The following SYNJ1 variants were observed in gnomAD, a reference collection of about 807,000 sequenced individuals.
SYNJ1 encodes the protein synaptojanin 1, also known as polyphosphatidylinositol phosphatase SYNJ1.
In SYNJ1, 78 loss-of-function variants were observed where a neutral mutation model predicts 168.2. That is an observed-to-expected ratio of 0.46 (90% confidence interval 0.39 to 0.56). SYNJ1 has a LOEUF of 0.56. Ranked by LOEUF, SYNJ1 falls within the 20% of genes least tolerant of loss-of-function variation. The pLI, the probability that SYNJ1 is intolerant of heterozygous loss-of-function variation, is 0.00. For synonymous variants in SYNJ1, 539 were observed against 548.6 expected, an observed-to-expected ratio of 0.98 and a Z score of 0.24; for missense variants, 1,303 against 1,597.6, an observed-to-expected ratio of 0.82 and a Z score of 3.14.
chr21:32,642,219 T>C, intron 27 of SYNJ1, 86 bp from the exon 28 acceptor site: 2 of 1,461,930 alleles, frequency 1.4e-6, no homozygotes, highest in South Asian at 1.1e-5. Context: ...TTCTGCTTCA[T>C]TACCAGCAGA....
At chr21:32,697,139 A>G (rs1175875217) in intron 4 of SYNJ1, among the ~76,000 whole-genome samples, 3 of 152,012 alleles carry the variant, frequency 2.0e-5, no homozygotes, top group Non-Finnish European at 4.4e-5. Context: ...TCAGTGTGTC[A>G]CTGTTTTAGC....
In SYNJ1 at chr21:32,631,623, T is replaced by C. The variant is rs1272633166; in HGVS notation, c.*182A>G. 17 of 1,614,224 alleles carry C rather than the reference T, an allele frequency of 1.1e-5. No individual in the cohort carries two copies. The highest frequency in any genetic ancestry group is 1.3e-5 in the Non-Finnish European group (15 of 1,180,038). ...CATGCAACTTACAGAACTCAAAACATTACTTTGCGTTGCAGAAGGCAACTG... is the reference window on the plus strand; with the variant it reads ...CATGCAACTTACAGAACTCAAAACACTACTTTGCGTTGCAGAAGGCAACTG... On this transcript the variant is annotated 3_prime_UTR_variant, in exon 33 of 33. Transcript: ENST00000674351.
chr21:32,672,059 CA>C (rs1160074724), intron 14 of SYNJ1, among the ~76,000 whole-genome samples: 1,510 of 24,716 alleles, frequency 0.061, 3 homozygotes, highest in Non-Finnish European at 0.073. Context: ...AACTCAATCT[CA>C]AAAAAAAAAA....
intron 31 of SYNJ1, 141 bp downstream of exon 31, chr21:32,638,767 T>A: frequency 1.5e-6 from 1 of 657,650 alleles, no homozygotes; most frequent in Non-Finnish European, 2.3e-6. Flanking sequence ...CACATATATA[T>A]GTATAATAAC....
At chr21:32,635,979 A>G (rs1050661821) in intron 31 of SYNJ1, among the ~76,000 whole-genome samples, 3 of 152,196 alleles carry the variant, frequency 2.0e-5, no homozygotes, top group Non-Finnish European at 4.4e-5. Context: ...ACTAATTTTG[A>G]CAATTCAGAG....
intron 2 of SYNJ1, among the ~76,000 whole-genome samples, chr21:32,722,189 GAAAAA>G (rs869294126): frequency 1.6e-3 from 176 of 112,552 alleles, no homozygotes; most frequent in Admixed American, 2.9e-3. Flanking sequence ...CCATCTCAAA[GAAAAA>G]AAAAAAAAAA....
chr21:32,717,777 T>C (rs1005611440), intron 2 of SYNJ1, among the ~76,000 whole-genome samples: 1 of 152,230 alleles, frequency 6.6e-6, no homozygotes, highest in African/African-American at 2.4e-5. Flanking sequence ...CGGAGTCCTC[T>C]ACAGATCTCT....
At chr21:32,695,698 T>G (rs570195834) in intron 4 of SYNJ1, among the ~76,000 whole-genome samples, 5 of 151,626 alleles carry the variant, frequency 3.3e-5, no homozygotes, top group African/African-American at 1.2e-4. Context: ...AGTCTCGGAA[T>G]GTTGCCCAGG....
At chr21:32,707,435 C>T (rs2042654309) in intron 2 of SYNJ1, among the ~76,000 whole-genome samples, 1 of 151,768 alleles carries the variant, frequency 6.6e-6, no homozygotes, top group African/African-American at 2.4e-5. Flanking sequence ...GGACTACAGG[C>T]ACTAATACTA....
At chr21:32,721,042 G>A (rs2043201501) in intron 2 of SYNJ1, among the ~76,000 whole-genome samples, 1 of 152,208 alleles carries the variant, frequency 6.6e-6, no homozygotes, top group Non-Finnish European at 1.5e-5. Context: ...TGTACACAAA[G>A]CTGAGAGACA....
At chr21:32,643,326 A>C in intron 27 of SYNJ1, 84 bp downstream of exon 27, 2 of 1,413,522 alleles carry the variant, frequency 1.4e-6, no homozygotes, top group Non-Finnish European at 2.0e-6. Flanking sequence ...GTATGCCTGC[A>C]AACACTGCGG....
intron 2 of SYNJ1, among the ~76,000 whole-genome samples, chr21:32,705,680 G>A (rs1220755275): frequency 6.6e-6 from 1 of 152,118 alleles, no homozygotes; most frequent in Non-Finnish European, 1.5e-5. Context: ...CCTTTATCAA[G>A]TAATCAAAGT....
intron 15 of SYNJ1, among the ~76,000 whole-genome samples, chr21:32,668,455 A>T (rs2041044845): frequency 6.6e-6 from 1 of 152,180 alleles, no homozygotes; most frequent in Non-Finnish European, 1.5e-5. Flanking sequence ...AGTACTAGGA[A>T]CCCTCAGAGT....
rs775086999 is a variant in SYNJ1, at chr21:32,645,998, T to G, written c.3248-209A>C. 16 of 848,662 alleles carry G rather than the reference T, an allele frequency of 1.9e-5. No homozygotes were observed. The African/African-American group carries it at 2.0e-4, about 10-fold the overall frequency. The allele number at this position is 848,662 out of a possible 1,614,324, so 52.6% of individuals were successfully genotyped here. On this transcript the variant is annotated intron_variant, in intron 24 of 32. Transcript: ENST00000674351. ...GCAATAATGCTACCTCTGTGCTGACTTCTTACCTAGGCCTCAGGTGCTGAA... is the reference window on the plus strand; with the variant it reads ...GCAATAATGCTACCTCTGTGCTGACGTCTTACCTAGGCCTCAGGTGCTGAA...
At chr21:32,727,557 G>A (rs915717615) in intron 1 of SYNJ1, among the ~76,000 whole-genome samples, 2 of 152,112 alleles carry the variant, frequency 1.3e-5, no homozygotes, top group Non-Finnish European at 2.9e-5. Context: ...ACGACTCGGG[G>A]CACCGACCCG....
At chr21:32,690,979 T>C (rs1461278554) in intron 6 of SYNJ1, among the ~76,000 whole-genome samples, 1 of 152,254 alleles carries the variant, frequency 6.6e-6, no homozygotes, top group African/African-American at 2.4e-5. Flanking sequence ...TTGTGTGGTA[T>C]GGTATATCAT....
Position 32,642,580 on chromosome 21 carries a change from T to G in SYNJ1, c.3479-447A>C, listed in dbSNP as rs1728284752. ...ACAAGAGGCTCCTAGTAGCAATACT[T>G]TAGGGCTTCACGCTGTAGATGTCAC... On this transcript the variant is annotated intron_variant, in intron 27 of 32. Transcript: ENST00000674351. Among the ~76,000 whole-genome samples the G allele has an allele frequency of 8.5e-5, 13 of 152,318 alleles. 1 individual carries two copies. In the South Asian group the frequency reaches 2.5e-3, roughly 29 times the overall value.
At chr21:32,681,703 T>C in intron 10 of SYNJ1, 55 bp from the exon 11 acceptor site, 1 of 1,512,692 alleles carries the variant, frequency 6.6e-7, no homozygotes, top group South Asian at 1.3e-5. Context: ...AATTGTAATA[T>C]GGCTTTTAAG....
At chr21:32,727,751 C>A (rs1015987435) in intron 1 of SYNJ1, 195 bp downstream of exon 1, 77 of 1,239,656 alleles carry the variant, frequency 6.2e-5, no homozygotes, top group Admixed American at 1.3e-4. Context: ...CAGCCCCCAG[C>A]CTGACGCGGC....
Sources: allele counts gnomAD v4.1 joint callset (sites outside exome capture counted in the v4.1 genomes callset), GRCh38; gene constraint gnomAD v4.1.1; transcripts MANE v1.5; gene names NCBI Gene and HGNC (gene_info 2026-07-23, HGNC 2026-07-21).